PHGDH: variants seen among roughly 807,000 people sequenced by gnomAD.
The protein encoded by PHGDH is phosphoglycerate dehydrogenase, also known as D-3-phosphoglycerate dehydrogenase.
PHGDH carries 50 observed loss-of-function variants against 52.6 expected under a neutral mutation model. The ratio of observed to expected loss-of-function variants is 0.95; its 90% CI spans 0.76 to 1.20. The LOEUF (loss-of-function observed/expected upper bound fraction) is 1.20, where lower values mean the gene tolerates loss of function less well. PHGDH is among the 50% of genes most tolerant of loss of function. The probability of loss-of-function intolerance (pLI) is 0.00; values close to 1 mark genes in which losing one functional copy is unlikely to be tolerated. For synonymous variants in PHGDH, 271 were observed against 280.5 expected, an observed-to-expected ratio of 0.97 and a Z score of 0.34; for missense variants, 630 against 684.6, an observed-to-expected ratio of 0.92 and a Z score of 0.89.
chr1:119,718,344 G>A (rs1172566615), intron 1 of PHGDH, among the ~76,000 whole-genome samples: 1 of 152,208 alleles, frequency 6.6e-6, no homozygotes, highest in Non-Finnish European at 1.5e-5. Flanking sequence ...AGGGATAATT[G>A]TAATATCTGT....
At chr1:119,726,019 T>G (rs1651392896) in intron 3 of PHGDH, among the ~76,000 whole-genome samples, 1 of 152,186 alleles carries the variant, frequency 6.6e-6, no homozygotes, top group Non-Finnish European at 1.5e-5. Flanking sequence ...ATCTTCCTTT[T>G]TTGCCTCCAG....
chr1:119,720,768 T>A, intron 1 of PHGDH: 1 of 246,940 alleles, frequency 4.0e-6, no homozygotes, highest in Non-Finnish European at 8.1e-6. Context: ...GAGCAAGCAA[T>A]GTGCAGGAAT....
At chr1:119,731,592 T>C (rs1651693823) in intron 5 of PHGDH, among the ~76,000 whole-genome samples, 1 of 152,184 alleles carries the variant, frequency 6.6e-6, no homozygotes, top group Admixed American at 6.5e-5. Context: ...AGGTCTACTG[T>C]GTCGGTTCCT....
chr1:119,743,542 C>T (rs957955382), intron 11 of PHGDH, among the ~76,000 whole-genome samples: 6 of 152,322 alleles, frequency 3.9e-5, no homozygotes, highest in East Asian at 3.9e-4. Context: ...CCATGTTTGG[C>T]GGAGGGTGTG....
rs2101220673 is a variant in PHGDH, at chr1:119,741,765, A to G, written c.1079-2A>G. ...CTCATGGTAGCTTCTCTCTGTCCCC[A>G]GGAACATCCCTGAAGAATGCTGGGA... On this transcript the variant is annotated splice_acceptor_variant, in intron 9 of 11. Coordinates refer to ENST00000641023, the MANE Select transcript of PHGDH (RefSeq NM_006623.4). LOFTEE classifies it high-confidence loss of function. 2 of 1,613,792 alleles carry G rather than the reference A, an allele frequency of 1.2e-6. No homozygotes were observed. Among genetic ancestry groups the G allele is most frequent in the Non-Finnish European group, 1.7e-6 (2 of 1,179,682 alleles).
chr1:119,740,208 T>C, intron 8 of PHGDH, 178 bp from the exon 9 acceptor site: 1 of 624,736 alleles, frequency 1.6e-6, no homozygotes, highest in Non-Finnish European at 2.9e-6. Context: ...TCTTCATTTG[T>C]AGGAACAAGT....
intron 10 of PHGDH, chr1:119,742,303 G>T: frequency 5.6e-6 from 2 of 355,876 alleles, no homozygotes; most frequent in South Asian, 2.5e-5. Flanking sequence ...GCCTTGCACG[G>T]CTTCCCGTTG....
chr1:119,728,715 G>A (rs756145199), intron 5 of PHGDH, among the ~76,000 whole-genome samples: 1 of 152,164 alleles, frequency 6.6e-6, no homozygotes, highest in Non-Finnish European at 1.5e-5. Context: ...AGGCCAAAGA[G>A]ATGAACCCAC....
chr1:119,738,247 C>T lies in PHGDH; in HGVS notation c.945+981C>T, dbSNP rs187530674. On this transcript the variant is annotated intron_variant, in intron 8 of 11. Coordinates refer to ENST00000641023, the MANE Select transcript of PHGDH (RefSeq NM_006623.4). ...GGCTGACCCTCAGCTGGGTGATTTTCGCTGGTGAGGACAGCACTGTGGCAG... is the reference window on the plus strand; with the variant it reads ...GGCTGACCCTCAGCTGGGTGATTTTTGCTGGTGAGGACAGCACTGTGGCAG... Among the ~76,000 whole-genome samples the T allele has an allele frequency of 1.4e-4, 22 of 152,276 alleles. No homozygotes were observed. In the East Asian group the frequency reaches 4.1e-3, roughly 28 times the overall value.
chr1:119,716,452 C>T lies in PHGDH; in HGVS notation c.138+4292C>T, dbSNP rs587673658. 3.9e-5 allele frequency among the ~76,000 whole-genome samples: 6 copies of T among 152,284 alleles called. No individual in the cohort carries two copies. In the East Asian group the frequency reaches 1.2e-3, roughly 29 times the overall value. On this transcript the variant is annotated intron_variant, in intron 1 of 11. Transcript: ENST00000641023. ...GAATGGGTGGACTTTGGGGAGTCTG[C>T]ATGCTCTCCAGCTAGTGTTGCCTGT...
intron 5 of PHGDH, among the ~76,000 whole-genome samples, chr1:119,728,054 G>A (rs748603917): frequency 8.5e-5 from 13 of 152,166 alleles, no homozygotes; most frequent in Non-Finnish European, 4.4e-5. Flanking sequence ...ACCCAGGAGT[G>A]TGTTTTTTAC....
chr1:119,712,298 G>C, intron 1 of PHGDH, 138 bp downstream of exon 1: 3 of 704,990 alleles, frequency 4.3e-6, no homozygotes, highest in Non-Finnish European at 7.5e-6. Context: ...GGGGGGTAGA[G>C]AAGAACGGGG....
At chr1:119,721,437 AG>A (rs2101155717) in intron 2 of PHGDH, 116 bp downstream of exon 2, 2 of 1,025,540 alleles carry the variant, frequency 2.0e-6, no homozygotes, top group East Asian at 2.5e-5. Context: ...AAGGGCTTCC[AG>A]GAGGATGCCT....
At chr1:119,734,441 C>G (rs1651838242) in intron 5 of PHGDH, 193 bp from the exon 6 acceptor site, 1 of 642,196 alleles carries the variant, frequency 1.6e-6, no homozygotes, top group Non-Finnish European at 2.8e-6. Flanking sequence ...GATCATGGTA[C>G]TTAGTATATG....
chr1:119,712,666 G>T (rs942357911), intron 1 of PHGDH: 6 of 185,044 alleles, frequency 3.2e-5, no homozygotes, highest in Admixed American at 1.1e-4. Flanking sequence ...GCCTGCCTTG[G>T]CGGTGGCGGG....
intron 8 of PHGDH, chr1:119,740,148 C>A (rs1652130147): frequency 3.7e-6 from 2 of 537,220 alleles, no homozygotes; most frequent in Non-Finnish European, 6.8e-6. Flanking sequence ...CTGAAAGGAG[C>A]AATTTTGAGT....
chr1:119,729,917 A>G (rs587680042), intron 5 of PHGDH: 1 of 152,274 alleles, frequency 6.6e-6, no homozygotes, highest in South Asian at 2.1e-4. Flanking sequence ...CTGGAGGGTC[A>G]TTCTTAACTG....
intron 6 of PHGDH, 150 bp from the exon 7 acceptor site, chr1:119,735,145 G>A (rs1393408870): frequency 5.1e-6 from 5 of 984,310 alleles, no homozygotes; most frequent in East Asian, 2.4e-5. Context: ...CATCTGAGGA[G>A]GAAGAGATGA....
Position 119,742,959 on chromosome 1 carries a change from G to T in PHGDH, c.1362G>T (p.Arg454Ser), listed in dbSNP as rs140457132. 4.3e-6 allele frequency: 7 copies of T among 1,614,024 alleles called. No individual in the cohort carries two copies. In the African/African-American group the frequency reaches 8.0e-5, roughly 18 times the overall value. ...VLQGLNGAVF[R>S]PEVPLRRDLP... ...AGGGGCTCAATGGAGCTGTCTTCAG[G>T]CCAGAAGTGCCTCTCCGCAGGGACC... Residue 454 changes from arginine to serine, a missense_variant, in exon 11 of 12, where the codon AGG becomes AGT. Physicochemically the swap from Arg to Ser is moderately radical, Grantham distance 110. Coordinates refer to ENST00000641023, the MANE Select transcript of PHGDH (RefSeq NM_006623.4).
Sources: gnomAD v4.1 joint callset for allele counts (sites outside exome capture counted in the v4.1 genomes callset) on GRCh38, gnomAD v4.1.1 for gene constraint, MANE v1.5 for transcripts, NCBI Gene and HGNC (gene_info 2026-07-23, HGNC 2026-07-21) for gene names.